The following HS3ST3A1 variants were observed in gnomAD, a reference collection of about 807,000 sequenced individuals.
The protein encoded by HS3ST3A1 is heparan sulfate glucosamine 3-O-sulfotransferase 3A1.
HS3ST3A1 carries 19 observed loss-of-function variants against 25.7 expected under a neutral mutation model. The observed-to-expected ratio is 0.74, with a 90% confidence interval of 0.52 to 1.08. The LOEUF is 1.08. Ranked by LOEUF, HS3ST3A1 falls within the 50% of genes least tolerant of loss-of-function variation. The probability of loss-of-function intolerance (pLI) is 0.00; values close to 1 mark genes in which losing one functional copy is unlikely to be tolerated. For missense variants in HS3ST3A1, 459 were observed against 594.3 expected (o/e 0.77, Z 2.37); for synonymous variants, 226 against 278.6 (o/e 0.81, Z 1.88).
chr17:13,589,601 A>T (rs75031404), intron 1 of HS3ST3A1, among the ~76,000 whole-genome samples: 1,930 of 152,332 alleles, frequency 0.013, 30 homozygotes, highest in African/African-American at 0.044. Flanking sequence ...AAGAAAAAAC[A>T]AAAAAGCAAA....
chr17:13,503,631 C>G (rs1905561715), intron 1 of HS3ST3A1, among the ~76,000 whole-genome samples: 1 of 152,116 alleles, frequency 6.6e-6, no homozygotes, highest in East Asian at 1.9e-4. Context: ...AGGCACTGAA[C>G]TTCATCGGTC....
At chr17:13,595,846 G>T (rs9900410) in intron 1 of HS3ST3A1, among the ~76,000 whole-genome samples, 45 of 18,742 alleles carry the variant, frequency 2.4e-3, no homozygotes, top group Admixed American at 4.0e-3. Context: ...AGGCCTTTTT[G>T]GTTGTTGTTG....
intron 1 of HS3ST3A1, among the ~76,000 whole-genome samples, chr17:13,545,004 TGAA>T (rs1303204388): frequency 4.6e-5 from 7 of 152,190 alleles, no homozygotes; most frequent in Non-Finnish European, 1.0e-4. Context: ...TATGAAAAGA[TGAA>T]TGCACGTGGC....
chr17:13,589,190 T>G (rs1037133113), intron 1 of HS3ST3A1, among the ~76,000 whole-genome samples: 2 of 152,206 alleles, frequency 1.3e-5, no homozygotes, highest in African/African-American at 4.8e-5. Flanking sequence ...TTTTCCAATC[T>G]GTTTTTAAAA....
chr17:13,526,474 T>TTA (rs58701744), intron 1 of HS3ST3A1, among the ~76,000 whole-genome samples: 3,121 of 75,682 alleles, frequency 0.041, 71 homozygotes, highest in Non-Finnish European at 0.049. Context: ...ACTTTAATTT[T>TTA]TATATATATA....
chr17:13,505,623 G>A (rs982313639), intron 1 of HS3ST3A1, among the ~76,000 whole-genome samples: 3 of 151,440 alleles, frequency 2.0e-5, no homozygotes, highest in African/African-American at 4.9e-5. Context: ...GCTGATTTAT[G>A]ACTGAAACAA....
chr17:13,588,909 C>A (rs996050091), intron 1 of HS3ST3A1, among the ~76,000 whole-genome samples: 1 of 152,086 alleles, frequency 6.6e-6, no homozygotes, highest in African/African-American at 2.4e-5. Context: ...TGGTCTTGAC[C>A]GTCTCGGCCT....
At chr17:13,595,678 A>C (rs192547890) in intron 1 of HS3ST3A1, among the ~76,000 whole-genome samples, 4 of 152,346 alleles carry the variant, frequency 2.6e-5, no homozygotes, top group African/African-American at 7.2e-5. Context: ...CCATACCAAG[A>C]AACGATGCTC....
At chr17:13,523,952 A>C (rs1906330233) in intron 1 of HS3ST3A1, among the ~76,000 whole-genome samples, 1 of 152,194 alleles carries the variant, frequency 6.6e-6, no homozygotes, top group African/African-American at 2.4e-5. Context: ...AAATACATAA[A>C]AATGTGAATT....
intron 1 of HS3ST3A1, among the ~76,000 whole-genome samples, chr17:13,541,674 C>G (rs1567618707): frequency 6.6e-6 from 1 of 152,076 alleles, no homozygotes; most frequent in Non-Finnish European, 1.5e-5. Context: ...TACCCTTTGC[C>G]TTAGTTTTGG....
At chr17:13,517,185 A>G (rs572929686) in intron 1 of HS3ST3A1, among the ~76,000 whole-genome samples, 3 of 152,376 alleles carry the variant, frequency 2.0e-5, no homozygotes, top group African/African-American at 7.2e-5. Flanking sequence ...CATTTCAAAC[A>G]TATCTAAATC....
chr17:13,555,887 G>A (rs1907359770), intron 1 of HS3ST3A1: 1 of 152,144 alleles, frequency 6.6e-6, no homozygotes. Flanking sequence ...AGTCATTCCT[G>A]AAGAACTGTT....
intron 1 of HS3ST3A1, among the ~76,000 whole-genome samples, chr17:13,526,510 ATATATT>A (rs1327789704): frequency 7.9e-6 from 1 of 126,084 alleles, no homozygotes; most frequent in African/African-American, 3.0e-5. Flanking sequence ...ATATATATAT[ATATATT>A]ATTGGGTTGG....
At chr17:13,551,828 T>G (rs2142357065) in intron 1 of HS3ST3A1, among the ~76,000 whole-genome samples, 1 of 152,328 alleles carries the variant, frequency 6.6e-6, no homozygotes, top group Middle Eastern at 3.4e-3. Context: ...GGTATTTCCT[T>G]GTGGCATTTC....
intron 1 of HS3ST3A1, among the ~76,000 whole-genome samples, chr17:13,508,313 G>A (rs765331157): frequency 1.3e-5 from 2 of 152,202 alleles, no homozygotes; most frequent in Non-Finnish European, 1.5e-5. Context: ...GACTCCAGAG[G>A]AGGAGAGAAA....
chr17:13,500,062 A>C (rs1413668189), intron 1 of HS3ST3A1, among the ~76,000 whole-genome samples: 3 of 149,768 alleles, frequency 2.0e-5, no homozygotes, highest in Non-Finnish European at 4.5e-5. Flanking sequence ...AAGGGATATA[A>C]AATTTTTTTT....
chr17:13,514,376 T>A (rs1363241301), intron 1 of HS3ST3A1, among the ~76,000 whole-genome samples: 2 of 152,164 alleles, frequency 1.3e-5, no homozygotes, highest in Non-Finnish European at 2.9e-5. Context: ...ATCTTTGACT[T>A]GTATTTTATT....
intron 1 of HS3ST3A1, among the ~76,000 whole-genome samples, chr17:13,590,135 AC>A (rs1908382270): frequency 6.6e-6 from 1 of 152,160 alleles, no homozygotes; most frequent in South Asian, 2.1e-4. Context: ...CTAATCTTTA[AC>A]AAGCAGGCAA....
intron 1 of HS3ST3A1, among the ~76,000 whole-genome samples, chr17:13,549,540 C>T (rs1212534557): frequency 6.6e-6 from 1 of 152,194 alleles, no homozygotes; most frequent in East Asian, 1.9e-4. Flanking sequence ...CTTTGTTCCA[C>T]CGCTGTTCGA....
Sources: gnomAD v4.1 joint callset for allele counts (sites outside exome capture counted in the v4.1 genomes callset) on GRCh38, gnomAD v4.1.1 for gene constraint, MANE v1.5 for transcripts, NCBI Gene and HGNC (gene_info 2026-07-23, HGNC 2026-07-21) for gene names.